The following ROBO1 variants were observed in gnomAD, a reference collection of about 807,000 sequenced individuals.
ROBO1 encodes roundabout homolog 1.
ROBO1 carries 149 observed loss-of-function variants against 195.9 expected under a neutral mutation model. The ratio of observed to expected loss-of-function variants is 0.76; its 90% CI spans 0.67 to 0.87. The LOEUF (loss-of-function observed/expected upper bound fraction) is 0.87. ROBO1 is among the 40% of genes least tolerant of loss of function. ROBO1 has a pLI of 0.00. For missense variants in ROBO1, 1,933 were observed against 2,068.3 expected (o/e 0.93, Z 1.27); for synonymous variants, 816 against 733.2 (o/e 1.11, Z -1.82).
At chr3:78,896,822 G>C (rs1440090591) in intron 4 of ROBO1, among the ~76,000 whole-genome samples, 1 of 151,998 alleles carries the variant, frequency 6.6e-6, no homozygotes, top group Non-Finnish European at 1.5e-5. Flanking sequence ...TGTTCATATA[G>C]GTAAAAAAGG....
intron 4 of ROBO1, among the ~76,000 whole-genome samples, chr3:78,878,311 C>T (rs115935557): frequency 1.7e-4 from 26 of 152,112 alleles, no homozygotes; most frequent in African/African-American, 5.3e-4. Flanking sequence ...TGCAGCCAGG[C>T]GCAGTGGCTC....
At chr3:79,000,674 G>T (rs1223370287) in intron 3 of ROBO1, among the ~76,000 whole-genome samples, 1 of 152,006 alleles carries the variant, frequency 6.6e-6, no homozygotes, top group East Asian at 1.9e-4. Flanking sequence ...ACACTGTTGG[G>T]AGTGTAAATT....
chr3:78,995,788 G>T (rs13069882), intron 3 of ROBO1, among the ~76,000 whole-genome samples: 1 of 150,146 alleles, frequency 6.7e-6, no homozygotes, highest in East Asian at 2.0e-4. Flanking sequence ...AAGAAAAAAA[G>T]AAATTAAAAA....
At chr3:79,016,101 CTTCA>C (rs1479815859) in intron 3 of ROBO1, among the ~76,000 whole-genome samples, 1 of 152,190 alleles carries the variant, frequency 6.6e-6, no homozygotes, top group Non-Finnish European at 1.5e-5. Context: ...CTTTCAAGAA[CTTCA>C]TTCATTCTCT....
chr3:79,117,534 G>A (rs1418963189), intron 3 of ROBO1, among the ~76,000 whole-genome samples: 1 of 152,086 alleles, frequency 6.6e-6, no homozygotes, highest in African/African-American at 2.4e-5. Flanking sequence ...CGCCTGACCT[G>A]GGAGGCCTAA....
chr3:79,241,127 CTCAT>C (rs2082508755), intron 2 of ROBO1, among the ~76,000 whole-genome samples: 1 of 152,118 alleles, frequency 6.6e-6, no homozygotes. Context: ...TCTAAATGAT[CTCAT>C]TGTTTCCAAA....
chr3:79,687,915 G>A (rs965586067), intron 1 of ROBO1, among the ~76,000 whole-genome samples: 12 of 151,978 alleles, frequency 7.9e-5, no homozygotes, highest in South Asian at 2.1e-4. Context: ...AAAGACATAC[G>A]CACATGTATG....
chr3:79,044,031 G>T (rs147319815), intron 3 of ROBO1, among the ~76,000 whole-genome samples: 1 of 151,406 alleles, frequency 6.6e-6, no homozygotes, highest in Non-Finnish European at 1.5e-5. Context: ...TATCAGGGGC[G>T]TCCAATCTTT....
intron 2 of ROBO1, among the ~76,000 whole-genome samples, chr3:79,551,036 T>C (rs1276580123): frequency 6.6e-6 from 1 of 152,122 alleles, no homozygotes; most frequent in African/African-American, 2.4e-5. Context: ...CCTTCCAACA[T>C]GGTATCAGGC....
chr3:79,746,599 T>C (rs757006208), intron 1 of ROBO1, among the ~76,000 whole-genome samples: 10 of 152,074 alleles, frequency 6.6e-5, no homozygotes, highest in Admixed American at 6.5e-5. Context: ...TCAATTTCCA[T>C]TTCAGGGCCT....
At chr3:79,542,008 C>T (rs1225224672) in intron 2 of ROBO1, among the ~76,000 whole-genome samples, 1 of 151,680 alleles carries the variant, frequency 6.6e-6, no homozygotes, top group South Asian at 2.1e-4. Context: ...ACATTTTACT[C>T]TAATAGAATT....
chr3:79,027,439 A>C (rs1305147653), intron 3 of ROBO1, among the ~76,000 whole-genome samples: 2 of 151,994 alleles, frequency 1.3e-5, no homozygotes, highest in Non-Finnish European at 2.9e-5. Flanking sequence ...GCTTATGGGA[A>C]AGCCTCACAT....
intron 2 of ROBO1, among the ~76,000 whole-genome samples, chr3:79,503,092 A>G (rs931739026): frequency 4.6e-5 from 7 of 152,148 alleles, no homozygotes; most frequent in East Asian, 1.9e-4. Flanking sequence ...GCTCTTTGCA[A>G]TAAATCTCGC....
intron 3 of ROBO1, among the ~76,000 whole-genome samples, chr3:78,960,386 T>C (rs2041273232): frequency 6.7e-6 from 1 of 149,848 alleles, no homozygotes; most frequent in Non-Finnish European, 1.5e-5. Context: ...TAGCAATATG[T>C]ATTTGTAATA....
At chr3:79,527,156 A>T (rs1018552855) in intron 2 of ROBO1, among the ~76,000 whole-genome samples, 1 of 152,194 alleles carries the variant, frequency 6.6e-6, no homozygotes, top group Non-Finnish European at 1.5e-5. Flanking sequence ...AATAGGAAGC[A>T]GATTTTTCCA....
At chr3:79,398,039 T>A (rs1197702262) in intron 2 of ROBO1, among the ~76,000 whole-genome samples, 1 of 152,164 alleles carries the variant, frequency 6.6e-6, no homozygotes, top group Non-Finnish European at 1.5e-5. Flanking sequence ...AGTTTTTAAT[T>A]ATTAATTATC....
chr3:79,312,133 T>A (rs2033516169), intron 2 of ROBO1, among the ~76,000 whole-genome samples: 1 of 152,222 alleles, frequency 6.6e-6, no homozygotes. Context: ...ACAAAATATT[T>A]CTCAAATCCA....
chr3:78,663,906 A>G (rs1032395141), intron 14 of ROBO1, among the ~76,000 whole-genome samples: 4 of 152,312 alleles, frequency 2.6e-5, no homozygotes, highest in African/African-American at 9.6e-5. Flanking sequence ...CCCCTTTCAG[A>G]AAGTATCTTC....
intron 2 of ROBO1, among the ~76,000 whole-genome samples, chr3:79,568,497 AGATT>A (rs1943163863): frequency 6.9e-6 from 1 of 145,102 alleles, no homozygotes; most frequent in Non-Finnish European, 1.5e-5. Context: ...AAAAAAAAAC[AGATT>A]GATTGAATTT....
Sources: gnomAD v4.1 joint callset for allele counts (sites outside exome capture counted in the v4.1 genomes callset) on GRCh38, gnomAD v4.1.1 for gene constraint, MANE v1.5 for transcripts, NCBI Gene and HGNC (gene_info 2026-07-23, HGNC 2026-07-21) for gene names.